The following ASIC2 variants were observed in gnomAD, a reference collection of about 807,000 sequenced individuals.
ASIC2 encodes the protein acid-sensing ion channel 2.
A neutral mutation model predicts 57.3 loss-of-function variants in ASIC2; 25 were observed. That is an observed-to-expected ratio of 0.44 (90% CI 0.32 to 0.61). The LOEUF is 0.61. ASIC2 is among the 20% of genes least tolerant of loss of function. ASIC2 has a pLI of 0.06. For missense variants in ASIC2, 641 were observed against 738.1 expected, an observed-to-expected ratio of 0.87 and a Z score of 1.52; for synonymous variants, 319 against 307.5, an observed-to-expected ratio of 1.04 and a Z score of -0.39.
At chr17:33,228,326 C>T (rs1017438855) in intron 1 of ASIC2, among the ~76,000 whole-genome samples, 8 of 152,158 alleles carry the variant, frequency 5.3e-5, no homozygotes, top group Admixed American at 4.6e-4. Flanking sequence ...GAATTTTATG[C>T]AACGTAAATG....
At chr17:33,398,738 G>A (rs1910172498) in intron 1 of ASIC2, among the ~76,000 whole-genome samples, 1 of 152,152 alleles carries the variant, frequency 6.6e-6, no homozygotes, top group African/African-American at 2.4e-5. Flanking sequence ...AGAGCTAGCA[G>A]CAGTCAACAT....
In ASIC2 at chr17:33,196,623, C is replaced by T. The variant is rs79307919; in HGVS notation, c.709-84556G>A. 1.6e-4 allele frequency among the ~76,000 whole-genome samples: 24 copies of T among 152,342 alleles called. No individual in the cohort carries two copies. In the East Asian group the frequency reaches 4.1e-3, roughly 26 times the overall value. ...TGGGTCACGGCAATGGCACCATTCA[C>T]CTGCTTATGTCTGATTAGGAAACAC... On this transcript the variant is annotated intron_variant, in intron 1 of 9. Coordinates refer to ENST00000225823, the MANE Select transcript of ASIC2 (RefSeq NM_183377.2).
intron 1 of ASIC2, among the ~76,000 whole-genome samples, chr17:33,447,790 T>C (rs11657983): frequency 0.35 from 52,292 of 151,206 alleles, 9,030 homozygotes; most frequent in Middle Eastern, 0.45. Context: ...GATGAATCAG[T>C]AGGGTGACTA....
At position 33,581,547 on chromosome 17, in the gene ASIC2, G is replaced by A. The variant is rs1277005809; in HGVS notation, c.556-469480C>T. 6 of 152,326 alleles carry A rather than the reference G, an allele frequency of 3.9e-5. No homozygotes were observed. The East Asian group carries it at 1.2e-3, about 29-fold the overall frequency. The allele number at this position is 152,326 out of a possible 1,614,324, so 9.4% of individuals were successfully genotyped here. On this transcript the variant is annotated intron_variant, in intron 1 of 9. Coordinates refer to the ASIC2 transcript ENST00000359872. ...TAACAAAGGACTGAAACATAGGAACGAAGTAGGGAAAGCAGGAATGTATTA... is the reference window on the plus strand; with the variant it reads ...TAACAAAGGACTGAAACATAGGAACAAAGTAGGGAAAGCAGGAATGTATTA...
At chr17:33,083,631 A>G (rs963136186) in intron 3 of ASIC2, among the ~76,000 whole-genome samples, 1 of 152,168 alleles carries the variant, frequency 6.6e-6, no homozygotes, top group Non-Finnish European at 1.5e-5. Flanking sequence ...AGGTAGATGA[A>G]ACAAGGAAGG....
chr17:33,626,329 A>G (rs951391937), intron 1 of ASIC2, among the ~76,000 whole-genome samples: 10 of 152,328 alleles, frequency 6.6e-5, no homozygotes, highest in African/African-American at 2.4e-4. Context: ...TTATTCATTT[A>G]CCACGTATGT....
rs1211673507 is a variant in ASIC2, at chr17:33,464,482, CTCTTTCTT to C, written c.556-352423_556-352416del. Reference sequence around the variant, plus strand: ...CTCTTTCTTTCTTTCTTTCTTTTCTCTCTTTCTTTCTTTCTTTCTTTCTTTCTTTCTTT... The same window carrying C: ...CTCTTTCTTTCTTTCTTTCTTTTCTCTCTTTCTTTCTTTCTTTCTTTCTTT... On this transcript the variant is annotated intron_variant, in intron 1 of 9. Transcript: ENST00000359872. 2.0e-4 allele frequency among the ~76,000 whole-genome samples: 13 copies of C among 63,638 alleles called. 1 individual carries two copies. Among genetic ancestry groups the C allele is most frequent in the East Asian group, 2.0e-3 (5 of 2,522 alleles). The allele number at this position is 63,638 out of a possible 152,430, so 41.7% of individuals were successfully genotyped here.
Position 34,037,817 on chromosome 17 carries a change from G to A in ASIC2, c.555+118161C>T, listed in dbSNP as rs1355199415. 8 of 1,614,116 alleles carry A rather than the reference G, an allele frequency of 5.0e-6. No homozygotes were observed. The East Asian group carries it at 1.1e-4, about 22-fold the overall frequency. ...CGCCTTTGCTTCAGGTGTTACTACC[G>A]GCTTTGGCGGGAACTGCACTTCAGT... On this transcript the variant is annotated intron_variant, in intron 1 of 9. Coordinates refer to the ASIC2 transcript ENST00000359872.
At chr17:33,668,306 A>C (rs1372970072) in intron 1 of ASIC2, among the ~76,000 whole-genome samples, 3 of 102,898 alleles carry the variant, frequency 2.9e-5, no homozygotes, top group Non-Finnish European at 3.8e-5. Context: ...TTTTGCAGCC[A>C]GTATAAAGTA....
chr17:33,424,716 T>C (rs1207520744), intron 1 of ASIC2, among the ~76,000 whole-genome samples: 1 of 152,104 alleles, frequency 6.6e-6, no homozygotes, highest in Admixed American at 6.5e-5. Context: ...AGTCCTTCCT[T>C]CCTCTCTTTC....
intron 1 of ASIC2, among the ~76,000 whole-genome samples, chr17:33,784,638 T>A (rs1342515600): frequency 6.6e-6 from 1 of 152,246 alleles, no homozygotes; most frequent in Non-Finnish European, 1.5e-5. Flanking sequence ...GTAATCTGTA[T>A]CAAAAAATTA....
chr17:33,203,303 CT>C (rs1488783780), intron 1 of ASIC2, among the ~76,000 whole-genome samples: 1 of 152,214 alleles, frequency 6.6e-6, no homozygotes, highest in Middle Eastern at 3.2e-3. Context: ...AAACCATGTG[CT>C]TTTTCAAAGC....
intron 1 of ASIC2, among the ~76,000 whole-genome samples, chr17:33,150,192 G>C (rs910114308): frequency 1.3e-5 from 2 of 152,108 alleles, no homozygotes. Context: ...ATTATGGCTT[G>C]GAGGAACCTT....
intron 2 of ASIC2, among the ~76,000 whole-genome samples, chr17:33,109,083 G>C (rs1256350415): frequency 7.0e-5 from 7 of 99,474 alleles, no homozygotes; most frequent in African/African-American, 3.3e-4. Flanking sequence ...ATGGACTTTG[G>C]GGATTTGGGG....
intron 1 of ASIC2, among the ~76,000 whole-genome samples, chr17:33,550,101 C>T (rs1035439125): frequency 6.7e-6 from 1 of 148,990 alleles, no homozygotes; most frequent in African/African-American, 2.5e-5. Context: ...TGAGATAAAT[C>T]AGGCCCTCCA....
intron 1 of ASIC2, among the ~76,000 whole-genome samples, chr17:33,861,921 C>A (rs1016503422): frequency 6.6e-6 from 1 of 152,178 alleles, no homozygotes; most frequent in African/African-American, 2.4e-5. Context: ...GTGGCAAATA[C>A]AAAGTGGTAT....
intron 1 of ASIC2, among the ~76,000 whole-genome samples, chr17:33,621,125 C>T (rs1359230175): frequency 6.6e-6 from 1 of 152,136 alleles, no homozygotes; most frequent in Non-Finnish European, 1.5e-5. Flanking sequence ...AATGCAGCAC[C>T]ACCCCAGCCA....
intron 1 of ASIC2, among the ~76,000 whole-genome samples, chr17:33,954,446 C>A (rs1328550931): frequency 6.6e-6 from 1 of 152,180 alleles, no homozygotes; most frequent in Non-Finnish European, 1.5e-5. Context: ...GCTCCCAATC[C>A]CACCTGGGGC....
At chr17:33,897,285 C>T (rs982220629) in intron 1 of ASIC2, among the ~76,000 whole-genome samples, 2 of 152,196 alleles carry the variant, frequency 1.3e-5, no homozygotes, top group Non-Finnish European at 2.9e-5. Flanking sequence ...TATCAAATGT[C>T]CTCTTGTTGC....
Sources: allele counts gnomAD v4.1 joint callset (sites outside exome capture counted in the v4.1 genomes callset), GRCh38; gene constraint gnomAD v4.1.1; transcripts MANE v1.5; gene names NCBI Gene and HGNC (gene_info 2026-07-23, HGNC 2026-07-21).